KLRK1: variants seen among roughly 807,000 people sequenced by gnomAD.
KLRK1 encodes the protein NKG2-D type II integral membrane protein.
KLRK1 carries 40 observed loss-of-function variants against 31.3 expected under a neutral mutation model. The observed-to-expected ratio is 1.28, with a 90% CI of 0.99 to 1.67. The LOEUF is 1.67. KLRK1 is among the 40% of genes most tolerant of loss of function. The pLI is 0.00. For missense variants in KLRK1, 251 were observed against 260.0 expected (o/e 0.97, Z 0.24); for synonymous variants, 77 against 77.3 (o/e 1.00, Z 0.02).
At position 10,387,101 on chromosome 12, in the gene KLRK1, A is replaced by G. The variant is rs1263058413; in HGVS notation, c.41-91T>C. On this transcript the variant is annotated intron_variant, in intron 2 of 7. Coordinates refer to ENST00000240618, the MANE Select transcript of KLRK1 (RefSeq NM_007360.4). ...AAAATTCAGCTTGCCATTTCCATCT[A>G]TGTACTTCCCCTGACTATCCTTTTT... is the stretch of plus-strand genomic sequence containing the variant. 6 of 887,878 alleles carry G rather than the reference A, an allele frequency of 6.8e-6. No individual in the cohort carries two copies. In the African/African-American group the frequency reaches 8.5e-5, roughly 13 times the overall value. The allele number at this position is 887,878 out of a possible 1,614,324, so 55.0% of individuals were successfully genotyped here. A position where few individuals can be genotyped will look rare whatever the true frequency, so the allele number is the denominator to read the frequency against.
intron 1 of KLRK1, 78 bp downstream of exon 1, chr12:10,389,865 T>C (rs1223517371): frequency 1.3e-5 from 2 of 152,026 alleles, no homozygotes; most frequent in African/African-American, 2.4e-5. Flanking sequence ...AGTGTAAATA[T>C]TTTTATTTTT....
rs1016341405 is a variant in KLRK1 at position 10,378,072 on chromosome 12, T to C, written c.533+60A>G. The C allele has an allele frequency of 3.3e-6, 5 of 1,496,732 alleles. No homozygotes were observed. In the South Asian group the frequency reaches 4.8e-5, roughly 14 times the overall value. The allele number at this position is 1,496,732 out of a possible 1,614,324, so 92.7% of individuals were successfully genotyped here. A position where few individuals can be genotyped will look rare whatever the true frequency, so the allele number is the denominator to read the frequency against. ...TATGTGAGATGAGTGATTAGAATTA[T>C]TACAGGGAAAACTTAGGAAAAAAAT... On this transcript the variant is annotated intron_variant, in intron 7 of 7. Coordinates refer to ENST00000240618, the MANE Select transcript of KLRK1 (RefSeq NM_007360.4).
Position 10,388,751 on chromosome 12 carries a change from C to A in KLRK1, c.40+20G>T. 1 of 1,612,922 alleles carries A rather than the reference C, an allele frequency of 6.2e-7. No individual in the cohort carries two copies. Among genetic ancestry groups the A allele is most frequent in the Non-Finnish European group, 8.5e-7 (1 of 1,179,864 alleles). ...AATTGTATAAAAACAAAACTACACA[C>A]TTATGTGGTAAAAACATACCCCAGC... On this transcript the variant is annotated intron_variant, in intron 2 of 7. Coordinates refer to ENST00000240618, the MANE Select transcript of KLRK1 (RefSeq NM_007360.4).
In KLRK1 at chr12:10,372,559, G is replaced by T. The variant is rs1862881056; in HGVS notation, c.*555C>A. On this transcript the variant is annotated 3_prime_UTR_variant, in exon 8 of 8. Coordinates refer to ENST00000240618, the MANE Select transcript of KLRK1 (RefSeq NM_007360.4). ...AATCATAGCAAAGGAAACGTCCTAA[G>T]ATCTTACTTAAGGCTGGAGAATAAT... 1 of 86,786 alleles carries T rather than the reference G, an allele frequency of 1.2e-5. No homozygotes were observed. The highest frequency in any genetic ancestry group is 1.6e-4 in the Admixed American group (1 of 6,138). The allele number at this position is 86,786 out of a possible 1,614,324, so 5.4% of individuals were successfully genotyped here. A position where few individuals can be genotyped will look rare whatever the true frequency, so the allele number is the denominator to read the frequency against.
chr12:10,373,183 C>T lies in KLRK1; in HGVS notation c.582G>A (p.Ser194=), dbSNP rs534979540. 1.9e-5 allele frequency: 31 copies of T among 1,611,174 alleles called. No homozygotes were observed. In the African/African-American group the frequency reaches 3.2e-4, roughly 17 times the overall value. Residue 194 remains serine, a synonymous_variant, in exon 8 of 8, where the codon TCG becomes TCA. Coordinates refer to ENST00000240618, the MANE Select transcript of KLRK1 (RefSeq NM_007360.4). The stretch of plus-strand genomic sequence containing the variant: ...AGTTTTCTATATAGCCTTTAAAGCT[C>T]GAGGCATAGAGTGCACAGTCTCCCT... ...MQKGDCALYA[S]SFKGYIENCS... is the part of the protein sequence containing the mutation.
At position 10,380,957 on chromosome 12, in the gene KLRK1, C is replaced by T. The variant is rs1287356368; in HGVS notation, c.149-1165G>A. ...CCCAATAGCTTATGCATCTTCACAT[C>T]CCTGGGGCCCTGCTGACATTCCACC... On this transcript the variant is annotated intron_variant, in intron 3 of 7. Coordinates refer to ENST00000240618, the MANE Select transcript of KLRK1 (RefSeq NM_007360.4). Among the ~76,000 whole-genome samples the T allele has an allele frequency of 2.6e-5, 4 of 152,142 alleles. No homozygotes were observed. In the East Asian group the frequency reaches 7.7e-4, roughly 29 times the overall value.
chr12:10,376,092 T>C (rs1591579180), intron 7 of KLRK1, among the ~76,000 whole-genome samples: 2 of 152,318 alleles, frequency 1.3e-5, no homozygotes, highest in Admixed American at 1.3e-4. Context: ...TACTCCAGGA[T>C]GGAGAAAGAA....
chr12:10,388,894 G>A lies in KLRK1; in HGVS notation c.-65-19C>T. The A allele has an allele frequency of 6.5e-7, 1 of 1,531,046 alleles. No homozygotes were observed. Among genetic ancestry groups the A allele is most frequent in the Non-Finnish European group, 8.9e-7 (1 of 1,117,976 alleles). 94.8% of individuals were successfully genotyped at this position (1,531,046 alleles called of 1,614,324 possible). On this transcript the variant is annotated intron_variant, in intron 1 of 7. Coordinates refer to ENST00000240618, the MANE Select transcript of KLRK1 (RefSeq NM_007360.4). Reference sequence around the variant, plus strand: ...AGGATTCCTGAATAAAATAAAACTGGGCATTTGTTTTTTGTTCTCTTTCCC... The same window carrying A: ...AGGATTCCTGAATAAAATAAAACTGAGCATTTGTTTTTTGTTCTCTTTCCC...
chr12:10,380,515 A>G (rs1201865882), intron 3 of KLRK1, among the ~76,000 whole-genome samples: 1 of 152,204 alleles, frequency 6.6e-6, no homozygotes, highest in Non-Finnish European at 1.5e-5. Context: ...TGTTGAAGGG[A>G]GAAGGCTGGA....
At chr12:10,378,343 C>A in intron 6 of KLRK1, 108 bp from the exon 7 acceptor site, 4 of 1,338,410 alleles carry the variant, frequency 3.0e-6, no homozygotes, top group Non-Finnish European at 4.1e-6. Flanking sequence ...AAAATGCATT[C>A]TGTCCACTAA....
rs10537864 is a variant in KLRK1, at chr12:10,373,695, AGTGTGTGT to A, written c.534-472_534-465del. On this transcript the variant is annotated intron_variant, in intron 7 of 7. Transcript: ENST00000240618. Reference sequence around the variant, plus strand: ...ATACACACATTCACAAGTGTGTATAAGTGTGTGTGTGTGTGTGTGTGCATATGTTTAGG... The same window carrying A: ...ATACACACATTCACAAGTGTGTATAAGTGTGTGTGTGTGCATATGTTTAGG... Among the ~76,000 whole-genome samples the A allele has an allele frequency of 1.9e-3, 286 of 147,004 alleles. 2 individuals are homozygous for A. The highest frequency in any genetic ancestry group is 7.2e-3 in the African/African-American group (268 of 37,104).
intron 1 of KLRK1, among the ~76,000 whole-genome samples, chr12:10,389,450 G>GA (rs918702573): frequency 1.3e-5 from 2 of 151,976 alleles, no homozygotes; most frequent in East Asian, 3.9e-4. Flanking sequence ...AGAGCTTCCA[G>GA]AAAAAACCAT....
In KLRK1 at chr12:10,373,046, G is replaced by T. The variant is rs1459655106; in HGVS notation, c.*68C>A. ...TTTTTGTTTGTTTCCTTTAGTCTCA[G>T]TTGGCAGTGTTACCGCTGGTGTAAT... On this transcript the variant is annotated 3_prime_UTR_variant, in exon 8 of 8. Coordinates refer to ENST00000240618, the MANE Select transcript of KLRK1 (RefSeq NM_007360.4). The T allele has an allele frequency of 2.9e-6, 4 of 1,391,772 alleles. No homozygotes were observed. The highest frequency in any genetic ancestry group is 4.0e-6 in the Non-Finnish European group (4 of 995,810). The allele number at this position is 1,391,772 out of a possible 1,614,324, so 86.2% of individuals were successfully genotyped here.
Position 10,378,238 on chromosome 12 carries a change from G to A in KLRK1, c.430-3C>T, listed in dbSNP as rs552211001. ...GACTTCACCAGTTTAAGTAAATCCT[G>A]TTTGAAACCACAAATAAACTATAAG... On this transcript the variant is annotated splice_polypyrimidine_tract_variant and splice_region_variant and intron_variant, in intron 6 of 7. Coordinates refer to ENST00000240618, the MANE Select transcript of KLRK1 (RefSeq NM_007360.4). 1.9e-6 allele frequency: 3 copies of A among 1,609,570 alleles called. No individual in the cohort carries two copies. The highest frequency in any genetic ancestry group is 2.2e-5 in the South Asian group (2 of 89,768).
At chr12:10,374,606 G>A (rs1378805764) in intron 7 of KLRK1, among the ~76,000 whole-genome samples, 3 of 149,440 alleles carry the variant, frequency 2.0e-5, no homozygotes, top group Non-Finnish European at 4.5e-5. Flanking sequence ...TGTTGGCCAA[G>A]CTGGACTTGA....
At chr12:10,387,269 G>A (rs978582761) in intron 2 of KLRK1, among the ~76,000 whole-genome samples, 9 of 152,138 alleles carry the variant, frequency 5.9e-5, no homozygotes, top group African/African-American at 2.2e-4. Context: ...AATTCGTAAT[G>A]TATAATGAAA....
chr12:10,379,438 T>C lies in KLRK1; in HGVS notation c.277+9A>G. The C allele has an allele frequency of 7.0e-7, 1 of 1,435,538 alleles. No individual in the cohort carries two copies. The highest frequency in any genetic ancestry group is 9.6e-7 in the Non-Finnish European group (1 of 1,043,968). The allele number at this position is 1,435,538 out of a possible 1,614,324, so 88.9% of individuals were successfully genotyped here. A position where few individuals can be genotyped will look rare whatever the true frequency, so the allele number is the denominator to read the frequency against. On this transcript the variant is annotated intron_variant, in intron 5 of 7. Coordinates refer to ENST00000240618, the MANE Select transcript of KLRK1 (RefSeq NM_007360.4). The stretch of plus-strand genomic sequence containing the variant: ...TATATGATCTAAAATATTTTAAAAA[T>C]TCACTTACCGGTCAAGGGAATTTGA...
At chr12:10,375,728 A>G (rs1215375345) in intron 7 of KLRK1, among the ~76,000 whole-genome samples, 1 of 152,216 alleles carries the variant, frequency 6.6e-6, no homozygotes, top group East Asian at 1.9e-4. Flanking sequence ...GAATGAAGAA[A>G]TTACTGAACA....
chr12:10,384,903 CA>C (rs1211695176), intron 3 of KLRK1, among the ~76,000 whole-genome samples: 6 of 151,818 alleles, frequency 4.0e-5, no homozygotes, highest in African/African-American at 1.2e-4. Context: ...TCAACAGCAA[CA>C]ACAAAAACTG....
Sources: allele counts gnomAD v4.1 joint callset (sites outside exome capture counted in the v4.1 genomes callset), GRCh38; gene constraint gnomAD v4.1.1; transcripts MANE v1.5; gene names NCBI Gene and HGNC (gene_info 2026-07-23, HGNC 2026-07-21).